The following AGBL1 variants were observed in gnomAD, a reference collection of about 807,000 sequenced individuals.
AGBL1 encodes the protein AGBL carboxypeptidase 1, also known as cytosolic carboxypeptidase 4.
AGBL1 carries 130 observed loss-of-function variants against 118.9 expected under a neutral mutation model. The observed-to-expected ratio is 1.09, with a 90% CI of 0.95 to 1.26. The LOEUF (loss-of-function observed/expected upper bound fraction) is 1.26, where lower values mean the gene tolerates loss of function less well. Among genes scored for constraint, AGBL1 ranks in the 50% most tolerant of loss-of-function variants. The pLI, the probability that AGBL1 is intolerant of heterozygous loss-of-function variation, is 0.00. For missense variants in AGBL1, 1,584 were observed against 1,298.1 expected (o/e 1.22, Z -3.38); for synonymous variants, 555 against 478.9 (o/e 1.16, Z -2.08).
intron 23 of AGBL1, among the ~76,000 whole-genome samples, chr15:86,985,551 A>G (rs530340327): frequency 5.3e-5 from 8 of 152,302 alleles, no homozygotes; most frequent in African/African-American, 1.7e-4. Context: ...TGATGTGTCA[A>G]TTCAAGATTT....
At chr15:86,700,961 T>A (rs1385897965) in intron 22 of AGBL1, among the ~76,000 whole-genome samples, 1 of 152,116 alleles carries the variant, frequency 6.6e-6, no homozygotes, top group Non-Finnish European at 1.5e-5. Flanking sequence ...ATGCTGTGAA[T>A]CTGAGCATCC....
At chr15:86,273,175 T>C (rs1263438164) in intron 15 of AGBL1, among the ~76,000 whole-genome samples, 2 of 152,120 alleles carry the variant, frequency 1.3e-5, no homozygotes, top group South Asian at 2.1e-4. Context: ...CCTCTTGGAA[T>C]TGGGGAGTAA....
intron 19 of AGBL1, among the ~76,000 whole-genome samples, chr15:86,536,929 T>C (rs1196960757): frequency 6.6e-6 from 1 of 152,216 alleles, no homozygotes; most frequent in East Asian, 1.9e-4. Context: ...GACTTGTGCA[T>C]GTCTGAAGAA....
intron 1 of AGBL1, among the ~76,000 whole-genome samples, chr15:86,114,023 T>A (rs1240389168): frequency 1.3e-5 from 2 of 152,218 alleles, no homozygotes; most frequent in Non-Finnish European, 2.9e-5. Flanking sequence ...TTAACTACAC[T>A]TGAAATAAAA....
At chr15:86,818,581 G>T (rs2078897712) in intron 22 of AGBL1, among the ~76,000 whole-genome samples, 3 of 152,056 alleles carry the variant, frequency 2.0e-5, no homozygotes. Flanking sequence ...AAAGGTTGGG[G>T]ACTGCTGCTC....
chr15:86,527,417 T>C (rs1246465106), intron 19 of AGBL1, among the ~76,000 whole-genome samples: 1 of 152,218 alleles, frequency 6.6e-6, no homozygotes, highest in African/African-American at 2.4e-5. Flanking sequence ...TGTTTCCTGC[T>C]GGGACCATCT....
At position 86,476,593 on chromosome 15, in the gene AGBL1, G is replaced by T. The variant is rs1171574823; in HGVS notation, c.2556-46217G>T. On this transcript the variant is annotated intron_variant, in intron 18 of 22. Transcript: ENST00000614907. ...CAGATTCATAAAGCAAGTCCTTAGA[G>T]ACCTACAAAGAGACTTAGACTCCCA... Among the ~76,000 whole-genome samples the T allele has an allele frequency of 5.3e-5, 8 of 152,240 alleles. No homozygotes were observed. In the East Asian group the frequency reaches 1.5e-3, roughly 29 times the overall value.
chr15:86,304,699 T>A (rs1184608271), intron 17 of AGBL1, among the ~76,000 whole-genome samples: 1 of 152,178 alleles, frequency 6.6e-6, no homozygotes, highest in Non-Finnish European at 1.5e-5. Context: ...TCCCCAAGGG[T>A]AGCCACAAAT....
chr15:86,118,924 G>A (rs1403962863), intron 1 of AGBL1, among the ~76,000 whole-genome samples: 1 of 152,156 alleles, frequency 6.6e-6, no homozygotes, highest in Admixed American at 6.5e-5. Flanking sequence ...AGGGTACCAG[G>A]AACTTTACAG....
intron 23 of AGBL1, among the ~76,000 whole-genome samples, chr15:86,942,019 C>T (rs138706350): frequency 1.3e-5 from 2 of 152,310 alleles, no homozygotes; most frequent in Admixed American, 6.5e-5. Context: ...GCATCCAACT[C>T]GAACCAGGCA....
At chr15:86,507,429 T>C (rs769892617) in intron 18 of AGBL1, among the ~76,000 whole-genome samples, 11 of 152,144 alleles carry the variant, frequency 7.2e-5, no homozygotes, top group Non-Finnish European at 1.2e-4. Flanking sequence ...GTGTCACGAA[T>C]TGTTTTTTGG....
Position 86,911,786 on chromosome 15 carries a change from C to T in AGBL1, c.*4492C>T, listed in dbSNP as rs775788960. On this transcript the variant is annotated 3_prime_UTR_variant, in exon 23 of 23. Transcript: ENST00000614907. ...ACTCAGTTCAAATATCACCTTTCTT[C>T]TATAAAACTTGTCCTCATCACCCAA... 3 of 152,182 alleles carry T rather than the reference C, an allele frequency of 2.0e-5. No homozygotes were observed. Among genetic ancestry groups the T allele is most frequent in the Non-Finnish European group, 2.9e-5 (2 of 68,032 alleles). The allele number at this position is 152,182 out of a possible 1,614,324, so 9.4% of individuals were successfully genotyped here.
chr15:86,479,894 A>G (rs564085765), intron 18 of AGBL1, among the ~76,000 whole-genome samples: 15 of 152,380 alleles, frequency 9.8e-5, no homozygotes, highest in Middle Eastern at 3.4e-3. Flanking sequence ...ACCATGGAAT[A>G]CTATGCAGCC....
intron 17 of AGBL1, among the ~76,000 whole-genome samples, chr15:86,327,369 CAT>C (rs2080199469): frequency 6.6e-6 from 1 of 152,218 alleles, no homozygotes; most frequent in Admixed American, 6.5e-5. Flanking sequence ...GTTCTTGACA[CAT>C]GTTAGCTAGA....
chr15:86,332,520 C>A (rs895018536), intron 17 of AGBL1, among the ~76,000 whole-genome samples: 1 of 152,022 alleles, frequency 6.6e-6, no homozygotes, highest in African/African-American at 2.4e-5. Context: ...GCAACAGGCG[C>A]CTGTAGTCCC....
chr15:86,214,565 C>G (rs2078154114), intron 5 of AGBL1, among the ~76,000 whole-genome samples: 1 of 152,174 alleles, frequency 6.6e-6, no homozygotes, highest in South Asian at 2.1e-4. Context: ...ACTTGAGAGT[C>G]ACACCTCTAT....
chr15:86,539,480 T>C (rs1293526910), intron 19 of AGBL1, among the ~76,000 whole-genome samples: 1 of 152,202 alleles, frequency 6.6e-6, no homozygotes, highest in East Asian at 1.9e-4. Flanking sequence ...TTCGTTCTAA[T>C]GATCTGATCA....
intron 22 of AGBL1, among the ~76,000 whole-genome samples, chr15:86,755,450 G>A (rs555857839): frequency 7.2e-5 from 11 of 152,084 alleles, no homozygotes; most frequent in African/African-American, 2.7e-4. Flanking sequence ...AAGTTAAAAT[G>A]CCAGGAACAA....
intron 18 of AGBL1, among the ~76,000 whole-genome samples, chr15:86,495,081 G>A (rs1405117102): frequency 1.7e-5 from 2 of 115,812 alleles, no homozygotes; most frequent in Admixed American, 8.4e-5. Flanking sequence ...CTGCCCCCTA[G>A]TGCGCTCCGT....
Sources: gnomAD v4.1 joint callset for allele counts (sites outside exome capture counted in the v4.1 genomes callset) on GRCh38, gnomAD v4.1.1 for gene constraint, MANE v1.5 for transcripts, NCBI Gene and HGNC (gene_info 2026-07-23, HGNC 2026-07-21) for gene names.